PKP1: variants seen among roughly 807,000 people sequenced by gnomAD.
PKP1 encodes plakophilin 1.
PKP1 carries 27 observed loss-of-function variants against 76.4 expected under a neutral mutation model. The ratio of observed to expected loss-of-function variants is 0.35; its 90% CI spans 0.26 to 0.49. The LOEUF is 0.49. PKP1 is among the 20% of genes least tolerant of loss of function. The probability of loss-of-function intolerance (pLI) is 0.99; values close to 1 mark genes in which losing one functional copy is unlikely to be tolerated. For missense variants in PKP1, 964 were observed against 955.2 expected, an observed-to-expected ratio of 1.01 and a Z score of -0.12; for synonymous variants, 404 against 384.2, an observed-to-expected ratio of 1.05 and a Z score of -0.60.
intron 2 of PKP1, among the ~76,000 whole-genome samples, chr1:201,303,386 C>T (rs1481833799): frequency 1.3e-5 from 2 of 152,138 alleles, no homozygotes; most frequent in Admixed American, 6.5e-5. Context: ...CCTCAGACTT[C>T]CAAGTAGCTG....
intron 2 of PKP1, among the ~76,000 whole-genome samples, chr1:201,297,557 G>C (rs700472): frequency 1.3e-5 from 2 of 152,040 alleles, no homozygotes; most frequent in South Asian, 2.1e-4. Context: ...CTCCTTGAAG[G>C]CCACACAGCT....
In PKP1 at chr1:201,313,407, G is replaced by T. The variant is rs781340038; in HGVS notation, c.548G>T (p.Arg183Leu). 6 of 1,588,272 alleles carry T rather than the reference G, an allele frequency of 3.8e-6. No homozygotes were observed. Among genetic ancestry groups the T allele is most frequent in the African/African-American group, 2.7e-5 (2 of 74,624 alleles). ...GSKGQKTTQNRYSFYSTCSGQ... is the reference protein window; with the variant it reads ...GSKGQKTTQNLYSFYSTCSGQ... The stretch of plus-strand genomic sequence containing the variant: ...AAGGGCCAGAAGACCACCCAGAACC[G>T]CTACAGCTTTTACAGCACCTGCAGT... Residue 183 changes from arginine to leucine, a missense_variant, in exon 3 of 14, where the codon CGC (arginine) becomes CTC (leucine). By Grantham distance (102) the Arg-to-Leu change is moderately radical. Coordinates refer to ENST00000367324, the MANE Select transcript of PKP1 (RefSeq NM_001005337.3).
chr1:201,309,991 T>TA (rs1166989515), intron 2 of PKP1, among the ~76,000 whole-genome samples: 1 of 152,214 alleles, frequency 6.6e-6, no homozygotes, highest in African/African-American at 2.4e-5. Context: ...GAGACATATT[T>TA]AGACCCATTC....
chr1:201,303,807 T>C (rs116454646), intron 2 of PKP1, among the ~76,000 whole-genome samples: 6,507 of 152,242 alleles, frequency 0.043, 437 homozygotes, highest in African/African-American at 0.14. Context: ...CAGTAGTGTG[T>C]TGCCAGCACT....
intron 2 of PKP1, among the ~76,000 whole-genome samples, chr1:201,309,908 T>C (rs1656486217): frequency 6.6e-6 from 1 of 152,226 alleles, no homozygotes; most frequent in South Asian, 2.1e-4. Flanking sequence ...AAAGAAACAC[T>C]GCACCATTCA....
Position 201,332,316 on chromosome 1 carries a change from C to T in PKP1, c.*2275C>T, listed in dbSNP as rs1657352106. 1 of 152,322 alleles carries T rather than the reference C, an allele frequency of 6.6e-6. No individual in the cohort carries two copies. Among genetic ancestry groups the T allele is most frequent in the African/African-American group, 2.4e-5 (1 of 41,472 alleles). 9.4% of individuals were successfully genotyped at this position (152,322 alleles called of 1,614,324 possible). On this transcript the variant is annotated 3_prime_UTR_variant, in exon 14 of 14. Transcript: ENST00000367324. ...CCTGCCCTGGGAACCAGGCAGCCTT[C>T]CAGACCTCAGGGGCTGAGGCAGACT...
At chr1:201,302,463 G>T (rs1247743627) in intron 2 of PKP1, among the ~76,000 whole-genome samples, 1 of 152,174 alleles carries the variant, frequency 6.6e-6, no homozygotes, top group Non-Finnish European at 1.5e-5. Flanking sequence ...ATACAGTCCT[G>T]GGGGTATCTT....
chr1:201,324,868 C>A, intron 10 of PKP1, 73 bp from the exon 11 acceptor site: 1 of 1,421,336 alleles, frequency 7.0e-7, no homozygotes, highest in Non-Finnish European at 9.8e-7. Context: ...AAGAGTGTGG[C>A]CCCAGAGGGA....
intron 5 of PKP1, 107 bp from the exon 6 acceptor site, chr1:201,318,511 A>G (rs1656836229): frequency 2.1e-6 from 2 of 952,896 alleles, no homozygotes; most frequent in Admixed American, 3.6e-5. Flanking sequence ...CTGGAAAGCG[A>G]CATTTCAGTA....
At chr1:201,317,463 T>C (rs937016171) in intron 4 of PKP1, 109 bp from the exon 5 acceptor site, 6 of 908,332 alleles carry the variant, frequency 6.6e-6, no homozygotes, top group South Asian at 1.4e-5. Context: ...TGAATATTTC[T>C]GAACTGATAG....
intron 1 of PKP1, among the ~76,000 whole-genome samples, chr1:201,287,072 C>T (rs1021024700): frequency 6.6e-6 from 1 of 152,206 alleles, no homozygotes; most frequent in African/African-American, 2.4e-5. Context: ...AGCACCATTG[C>T]CTGCTTTGTC....
In PKP1 at chr1:201,283,738, C is replaced by A; in HGVS notation, c.36C>A (p.Tyr12Ter). ...NHSPLKTALA[Y>*]ECFQDQDNST... is the part of the protein sequence containing the mutation. ...CGCCGCTCAAGACCGCCTTGGCGTA[C>A]GAATGCTTCCAGGACCAGGACAACT... The change falls in exon 1 of 14, where the codon TAC becomes TAA. Residue 12 changes from tyrosine (Y) to a stop codon, truncating the protein, a stop_gained. Transcript: ENST00000367324. LOFTEE classifies it high-confidence loss of function. 1.2e-6 allele frequency: 2 copies of A among 1,613,878 alleles called. No homozygotes were observed. The highest frequency in any genetic ancestry group is 1.1e-5 in the South Asian group (1 of 91,076).
intron 3 of PKP1, chr1:201,316,184 C>T (rs1656742851): frequency 1.7e-5 from 1 of 58,004 alleles, no homozygotes; most frequent in Non-Finnish European, 3.8e-5. Context: ...AGGATCATGG[C>T]CATTGTCTTC....
chr1:201,286,389 G>C (rs832165), intron 1 of PKP1, among the ~76,000 whole-genome samples: 21,217 of 152,210 alleles, frequency 0.14, 1,912 homozygotes, highest in Non-Finnish European at 0.2. Context: ...AGTAGCCACT[G>C]CTCCTTGTAC....
At chr1:201,291,423 C>T (rs1260851268) in intron 1 of PKP1, among the ~76,000 whole-genome samples, 1 of 152,214 alleles carries the variant, frequency 6.6e-6, no homozygotes, top group Non-Finnish European at 1.5e-5. Context: ...TCCACTGCCA[C>T]CTCCATGGCA....
intron 2 of PKP1, among the ~76,000 whole-genome samples, chr1:201,302,331 A>T (rs1375482426): frequency 6.6e-6 from 1 of 152,062 alleles, no homozygotes; most frequent in Non-Finnish European, 1.5e-5. Context: ...GTGGACTTTG[A>T]GCGGGGTGTG....
At chr1:201,288,353 C>T (rs922221781) in intron 1 of PKP1, among the ~76,000 whole-genome samples, 18 of 152,206 alleles carry the variant, frequency 1.2e-4, no homozygotes, top group Middle Eastern at 3.2e-3. Context: ...CGTAAACATC[C>T]TAACATATTA....
chr1:201,287,175 T>C (rs1263164610), intron 1 of PKP1, among the ~76,000 whole-genome samples: 1 of 152,228 alleles, frequency 6.6e-6, no homozygotes, highest in Non-Finnish European at 1.5e-5. Flanking sequence ...GTTTCCCATC[T>C]AAAATTGCTA....
chr1:201,316,907 G>A (rs538331717), intron 4 of PKP1, among the ~76,000 whole-genome samples: 5 of 152,310 alleles, frequency 3.3e-5, no homozygotes, highest in South Asian at 4.1e-4. Flanking sequence ...ACATTAGGCA[G>A]GTACAATTCC....
Sources: gnomAD v4.1 joint callset for allele counts (sites outside exome capture counted in the v4.1 genomes callset) on GRCh38, gnomAD v4.1.1 for gene constraint, MANE v1.5 for transcripts, NCBI Gene and HGNC (gene_info 2026-07-23, HGNC 2026-07-21) for gene names.